Variants in DNA2 observed in about 807,000 individuals in gnomAD.
DNA2 encodes the protein DNA replication helicase/nuclease 2.
A neutral mutation model predicts 119.1 loss-of-function variants in DNA2; 101 were observed. The ratio of observed to expected loss-of-function variants is 0.85; its 90% CI spans 0.72 to 1.00. The LOEUF (loss-of-function observed/expected upper bound fraction) is 1.00. Among genes scored for constraint, DNA2 ranks in the 50% least tolerant of loss-of-function variants. The pLI is 0.00. For missense variants in DNA2, 1,121 were observed against 1,255.5 expected, an observed-to-expected ratio of 0.89 and a Z score of 1.62; for synonymous variants, 366 against 424.4, an observed-to-expected ratio of 0.86 and a Z score of 1.69.
chr10:68,472,484 CAG>C (rs2052394830), upstream of DNA2, among the ~76,000 whole-genome samples: 1 of 152,196 alleles, frequency 6.6e-6, no homozygotes, highest in Non-Finnish European at 1.5e-5. Flanking sequence ...CCTGTAATCC[CAG>C]CACTTCGGAA....
At chr10:68,447,009 T>C (rs183903187) in intron 6 of DNA2, among the ~76,000 whole-genome samples, 2 of 152,256 alleles carry the variant, frequency 1.3e-5, no homozygotes, top group Admixed American at 6.5e-5. Context: ...TATAACTGGG[T>C]TATTTGTAAC....
intron 2 of DNA2, among the ~76,000 whole-genome samples, chr10:68,469,550 C>T (rs1040158294): frequency 1.3e-5 from 2 of 152,258 alleles, no homozygotes; most frequent in Admixed American, 1.3e-4. Context: ...ACAACCTCCA[C>T]CTCCCAGGTT....
rs544049047 is a variant in DNA2, at chr10:68,419,172, G to A, written c.2829C>T (p.Tyr943=). 2.9e-5 allele frequency: 46 copies of A among 1,611,318 alleles called. No homozygotes were observed. In the South Asian group the frequency reaches 5.1e-4, roughly 18 times the overall value. The change falls in exon 19 of 21, where the codon TAC becomes TAT. Residue 943 remains tyrosine, a synonymous_variant. Coordinates refer to ENST00000358410, the MANE Select transcript of DNA2 (RefSeq NM_001080449.3). ...SPSDIGIIAP[Y]RQQLKIINDL... ...CATTGATGATCTTTAATTGCTGCCT[G>A]TACGGTGCAATAATACCAATATCAG...
At chr10:68,440,988 C>T (rs2051959773) in intron 9 of DNA2, among the ~76,000 whole-genome samples, 1 of 152,044 alleles carries the variant, frequency 6.6e-6, no homozygotes. Flanking sequence ...TAAGACTATG[C>T]TGGGCAACAT....
At position 68,443,107 on chromosome 10, in the gene DNA2, C is replaced by T. The variant is rs754228739; in HGVS notation, c.1225G>A (p.Val409Ile). 6.4e-7 allele frequency: 1 copy of T among 1,560,154 alleles called. No individual in the cohort carries two copies. Among genetic ancestry groups the T allele is most frequent in the East Asian group, 2.3e-5 (1 of 42,770 alleles). Residue 409 changes from valine (V) to isoleucine (I), a missense_variant, in exon 9 of 21, where the codon GTT becomes ATT. Physicochemically the swap from Val to Ile is conservative, Grantham distance 29 (BLOSUM62 3). Coordinates refer to ENST00000358410, the MANE Select transcript of DNA2 (RefSeq NM_001080449.3). ...GAACTACAATCCATCTGTTGTTCAA[C>T]TGCTCTAAATATAAAGTTCCAAGTT... ...IGNCALYSRAVEQQMDCSSVP... is the reference protein window; with the variant it reads ...IGNCALYSRAIEQQMDCSSVP...
chr10:68,469,910 A>C, intron 2 of DNA2, 71 bp downstream of exon 2: 1 of 1,313,152 alleles, frequency 7.6e-7, no homozygotes, highest in African/African-American at 1.5e-5. Context: ...ACATTCACAG[A>C]AGCCATTTGA....
chr10:68,442,971 G>C lies in DNA2; in HGVS notation c.1361C>G (p.Ser454Trp). Residue 454 changes from serine (S) to tryptophan (W), a missense_variant, in exon 9 of 21, where the codon TCG (serine) becomes TGG (tryptophan). Ser to Trp is a radical substitution (Grantham distance 177, BLOSUM62 -3). Transcript: ENST00000358410. ...WCLMLTLESQ[S>W]KDNKKNHQNI... is the part of the protein sequence containing the mutation. ...TTGGTGATTCTTTTTATTATCCTTCGATTGTGACTCCAGGGTTAACATTAG... is the reference window on the plus strand; with the variant it reads ...TTGGTGATTCTTTTTATTATCCTTCCATTGTGACTCCAGGGTTAACATTAG... 6.2e-7 allele frequency: 1 copy of C among 1,612,522 alleles called. No homozygotes were observed. Among genetic ancestry groups the C allele is most frequent in the Non-Finnish European group, 8.5e-7 (1 of 1,179,436 alleles).
Position 68,471,895 on chromosome 10 carries a change from GA to G in DNA2, c.-32del, listed in dbSNP as rs2133455496. On this transcript the variant is annotated 5_prime_UTR_variant, in exon 1 of 21. Coordinates refer to ENST00000358410, the MANE Select transcript of DNA2 (RefSeq NM_001080449.3). ...ACGCGGGGATCGCAAACTGTAGACA[GA>G]AAAGACAGCGGAACCGGGGGTAACA... is the stretch of plus-strand genomic sequence containing the variant. The G allele has an allele frequency of 6.2e-7, 1 of 1,613,916 alleles. No individual in the cohort carries two copies. The highest frequency in any genetic ancestry group is 1.1e-5 in the South Asian group (1 of 91,090).
chr10:68,422,928 A>G, intron 14 of DNA2, 38 bp from the exon 15 acceptor site: 2 of 1,408,826 alleles, frequency 1.4e-6, no homozygotes, highest in Non-Finnish European at 1.9e-6. Context: ...TTTAACATGT[A>G]AAAGAAATGT....
rs750764449 is a variant in DNA2, at chr10:68,419,118, G to A, written c.2883C>T (p.Val961=). The part of the protein sequence containing the change: ...NDLLARSIGM[V]EVNTVDKYQG... ...GGTATTTGTCTACTGTATTAACTTCGACCATCCCAATAGAACGTGCCAATA... is the reference window on the plus strand; with the variant it reads ...GGTATTTGTCTACTGTATTAACTTCAACCATCCCAATAGAACGTGCCAATA... Residue 961 remains valine (V), a synonymous_variant, in exon 19 of 21, where the codon GTC becomes GTT. Transcript: ENST00000358410. 1.9e-6 allele frequency: 3 copies of A among 1,613,042 alleles called. No individual in the cohort carries two copies. The highest frequency in any genetic ancestry group is 2.2e-5 in the South Asian group (2 of 90,934).
At chr10:68,421,076 C>T (rs1449954756) in intron 17 of DNA2, among the ~76,000 whole-genome samples, 1 of 151,810 alleles carries the variant, frequency 6.6e-6, no homozygotes, top group African/African-American at 2.4e-5. Context: ...GTAGCTGGGA[C>T]TACAGGCGCA....
chr10:68,419,487 A>G, intron 18 of DNA2: 1 of 508,686 alleles, frequency 2.0e-6, no homozygotes, highest in Non-Finnish European at 3.5e-6. Context: ...ACACACACAC[A>G]GTACAAAGAA....
intron 14 of DNA2, among the ~76,000 whole-genome samples, chr10:68,429,406 T>G (rs2051786163): frequency 6.6e-6 from 1 of 151,732 alleles, no homozygotes; most frequent in South Asian, 2.1e-4. Flanking sequence ...TAGCAGGACG[T>G]GGTCAGGCAT....
intron 6 of DNA2, among the ~76,000 whole-genome samples, chr10:68,448,483 CATA>C (rs1231761150): frequency 1.3e-5 from 2 of 152,112 alleles, no homozygotes; most frequent in Non-Finnish European, 2.9e-5. Flanking sequence ...TCATACCCAA[CATA>C]ATAATGAACT....
intron 4 of DNA2, among the ~76,000 whole-genome samples, chr10:68,464,887 T>G (rs2052308538): frequency 1.4e-5 from 2 of 146,298 alleles, no homozygotes; most frequent in Admixed American, 1.4e-4. Flanking sequence ...CATGGTGGCA[T>G]GTACCTGTTG....
chr10:68,461,410 T>C (rs1218056963), intron 4 of DNA2: 1 of 152,206 alleles, frequency 6.6e-6, no homozygotes, highest in Non-Finnish European at 1.5e-5. Flanking sequence ...AGGCTTGGTC[T>C]ACACCCATAC....
At chr10:68,446,260 G>T in intron 7 of DNA2, 36 bp downstream of exon 7, 1 of 1,160,756 alleles carries the variant, frequency 8.6e-7, no homozygotes, top group Non-Finnish European at 1.2e-6. Flanking sequence ...TGGGGGGGTG[G>T]GCAAAGAAGT....
chr10:68,428,434 A>G (rs921622460), intron 14 of DNA2, among the ~76,000 whole-genome samples: 2 of 152,148 alleles, frequency 1.3e-5, no homozygotes, highest in Admixed American at 1.3e-4. Context: ...AAAAATGAAC[A>G]TGCAACTACC....
At position 68,462,025 on chromosome 10, in the gene DNA2, G is replaced by C. The variant is rs568820116; in HGVS notation, c.588-2790C>G. ...ACATTCATTACATTTTTTTACAATA[G>C]TTTTTTCATTAAAATGTTATGTTAA... On this transcript the variant is annotated intron_variant, in intron 4 of 20. Transcript: ENST00000358410. Among the ~76,000 whole-genome samples, 202 of 152,126 alleles carry C rather than the reference G, an allele frequency of 1.3e-3. 1 individual carries two copies. Among genetic ancestry groups the C allele is most frequent in the Non-Finnish European group, 2.4e-3 (165 of 68,002 alleles).
Sources: gnomAD v4.1 joint callset for allele counts (sites outside exome capture counted in the v4.1 genomes callset) on GRCh38, gnomAD v4.1.1 for gene constraint, MANE v1.5 for transcripts, NCBI Gene and HGNC (gene_info 2026-07-23, HGNC 2026-07-21) for gene names.